Variants in PRKN observed in about 807,000 individuals in gnomAD.
The protein encoded by PRKN is E3 ubiquitin-protein ligase parkin.
Under a neutral mutation model 59.5 loss-of-function variants are expected in PRKN, and 56 were observed. The observed-to-expected ratio is 0.94, with a 90% CI of 0.76 to 1.18. The LOEUF is 1.18. Ranked by LOEUF, PRKN falls within the 50% of genes most tolerant of loss-of-function variation. The pLI is 0.00. For missense variants in PRKN, 657 were observed against 596.4 expected (o/e 1.10, Z -1.06); for synonymous variants, 250 against 222.1 (o/e 1.13, Z -1.12).
At chr6:161,892,421 A>T (rs1292719522) in intron 6 of PRKN, among the ~76,000 whole-genome samples, 1 of 151,750 alleles carries the variant, frequency 6.6e-6, no homozygotes, top group Non-Finnish European at 1.5e-5. Context: ...AAAATAAATA[A>T]GATTAGTTGG....
intron 2 of PRKN, among the ~76,000 whole-genome samples, chr6:162,415,703 G>A (rs1026529469): frequency 6.6e-6 from 1 of 152,090 alleles, no homozygotes. Flanking sequence ...TGTAGTCCCA[G>A]CTACTTGGGA....
intron 2 of PRKN, among the ~76,000 whole-genome samples, chr6:162,391,132 G>A (rs1401514819): frequency 6.6e-6 from 1 of 152,272 alleles, no homozygotes; most frequent in African/African-American, 2.4e-5. Flanking sequence ...TATTTCAAGT[G>A]CATCTCGAAA....
Position 161,359,308 on chromosome 6 carries a change from A to T in PRKN, c.1285+780T>A, listed in dbSNP as rs1258625220. ...TGTTTGTATTAATGAAAACTTCCTG[A>T]AGGACATAACTGAAAAGAGAGAGGC... On this transcript the variant is annotated intron_variant, in intron 11 of 11. Transcript: ENST00000366898. This position sits in a 1 kb window ranked among gnomAD's most constrained non-coding sequence, Gnocchi z 5.4. Among the ~76,000 whole-genome samples, 3 of 152,226 alleles carry T rather than the reference A, an allele frequency of 2.0e-5. No homozygotes were observed. Among genetic ancestry groups the T allele is most frequent in the Non-Finnish European group, 4.4e-5 (3 of 68,038 alleles).
intron 4 of PRKN, among the ~76,000 whole-genome samples, chr6:162,161,824 A>G (rs1020036223): frequency 1.3e-5 from 2 of 152,216 alleles, no homozygotes; most frequent in African/African-American, 2.4e-5. Flanking sequence ...ACTTTGCTAG[A>G]GAGACCACAT....
intron 6 of PRKN, among the ~76,000 whole-genome samples, chr6:161,885,586 AC>A (rs1795112939): frequency 6.7e-6 from 1 of 150,056 alleles, no homozygotes; most frequent in African/African-American, 2.5e-5. Flanking sequence ...AATGGCGTGA[AC>A]CCGGGAGGCG....
chr6:162,414,570 G>A (rs972596532), intron 2 of PRKN, among the ~76,000 whole-genome samples: 20 of 151,680 alleles, frequency 1.3e-4, no homozygotes, highest in Admixed American at 2.6e-4. Context: ...AATTAGCCGC[G>A]CATGGTTGGT....
At chr6:162,107,569 G>A (rs959392529) in intron 4 of PRKN, among the ~76,000 whole-genome samples, 1 of 152,214 alleles carries the variant, frequency 6.6e-6, no homozygotes, top group Non-Finnish European at 1.5e-5. Context: ...TCATTTTGGA[G>A]ATTAAAGCAT....
intron 5 of PRKN, among the ~76,000 whole-genome samples, chr6:162,048,594 C>A (rs1175673123): frequency 6.6e-6 from 1 of 152,030 alleles, no homozygotes; most frequent in Non-Finnish European, 1.5e-5. Context: ...CATACAAACA[C>A]AAATTATTGT....
intron 7 of PRKN, among the ~76,000 whole-genome samples, chr6:161,633,873 G>A (rs1783407562): frequency 6.6e-6 from 1 of 151,962 alleles, no homozygotes; most frequent in South Asian, 2.1e-4. Flanking sequence ...AGAATGGGAG[G>A]GGCCTCTGTC....
intron 6 of PRKN, among the ~76,000 whole-genome samples, chr6:161,797,144 T>C (rs551038717): frequency 1.3e-5 from 2 of 152,374 alleles, no homozygotes; most frequent in African/African-American, 4.8e-5. Flanking sequence ...TCTTTTGCTG[T>C]TGACTCACCA....
intron 1 of PRKN, among the ~76,000 whole-genome samples, chr6:162,715,272 G>A (rs1477462129): frequency 6.6e-6 from 1 of 152,168 alleles, no homozygotes; most frequent in Non-Finnish European, 1.5e-5. Flanking sequence ...AAGGACAAAG[G>A]TCTTCTCTCC....
chr6:162,060,024 G>A (rs539443794), intron 4 of PRKN, among the ~76,000 whole-genome samples: 2 of 152,296 alleles, frequency 1.3e-5, no homozygotes, highest in South Asian at 2.1e-4. Context: ...ACAATGAGCT[G>A]TTGCAACACA....
chr6:161,761,659 C>T lies in PRKN; in HGVS notation c.871+24113G>A, dbSNP rs527793760. On this transcript the variant is annotated intron_variant, in intron 7 of 11. Transcript: ENST00000366898. ...CATTCTGAAATGTTAAAGGAAAGGC[C>T]AATCATACATAGAGAGCTAGAAGCA... Among the ~76,000 whole-genome samples the T allele has an allele frequency of 1.4e-3, 211 of 152,218 alleles. 1 individual carries two copies. Among genetic ancestry groups the T allele is most frequent in the African/African-American group, 4.8e-3 (201 of 41,536 alleles).
chr6:162,454,792 A>G (rs1450127218), intron 1 of PRKN, among the ~76,000 whole-genome samples: 1 of 152,198 alleles, frequency 6.6e-6, no homozygotes, highest in Non-Finnish European at 1.5e-5. Context: ...GAATACACTC[A>G]ATCTCCCCCA....
At chr6:161,714,439 C>T (rs144031216) in intron 7 of PRKN, among the ~76,000 whole-genome samples, 1 of 152,300 alleles carries the variant, frequency 6.6e-6, no homozygotes, top group East Asian at 1.9e-4. Context: ...TGTGAAGACA[C>T]AGCAAGGAGG....
intron 2 of PRKN, among the ~76,000 whole-genome samples, chr6:162,439,733 T>C (rs534925479): frequency 2.6e-3 from 400 of 152,268 alleles, no homozygotes; most frequent in Non-Finnish European, 3.6e-3. Flanking sequence ...ACAATGAAAA[T>C]CTTGATGATC....
At chr6:162,707,638 G>C (rs1436245064) in intron 1 of PRKN, among the ~76,000 whole-genome samples, 1 of 150,238 alleles carries the variant, frequency 6.7e-6, no homozygotes, top group African/African-American at 2.5e-5. Context: ...GCAGTGGCAC[G>C]ATCTCAGTTC....
At chr6:161,672,124 G>C (rs1310671704) in intron 7 of PRKN, among the ~76,000 whole-genome samples, 1 of 152,102 alleles carries the variant, frequency 6.6e-6, no homozygotes, top group Non-Finnish European at 1.5e-5. Context: ...TATTCGACCT[G>C]CAGGTTATAT....
chr6:162,287,009 TA>T (rs1358726478), intron 2 of PRKN, among the ~76,000 whole-genome samples: 1 of 152,222 alleles, frequency 6.6e-6, no homozygotes, highest in African/African-American at 2.4e-5. Context: ...CTTCATTCTA[TA>T]ACCAAAGCAG....
Sources: allele counts gnomAD v4.1 joint callset (sites outside exome capture counted in the v4.1 genomes callset), GRCh38; gene constraint gnomAD v4.1.1; non-coding constraint Gnocchi (gnomAD v3.1); transcripts MANE v1.5; gene names NCBI Gene and HGNC (gene_info 2026-07-23, HGNC 2026-07-21).